DHX37: variants seen among roughly 807,000 people sequenced by gnomAD.
DHX37 encodes the protein probable ATP-dependent RNA helicase DHX37.
DHX37 carries 52 observed loss-of-function variants against 134.3 expected under a neutral mutation model. The observed-to-expected ratio is 0.39, with a 90% confidence interval of 0.31 to 0.49. DHX37 has a LOEUF of 0.49. DHX37 is among the 20% of genes least tolerant of loss of function. DHX37 has a pLI of 0.93. For missense variants in DHX37, 1,344 were observed against 1,580.8 expected (o/e 0.85, Z 2.54); for synonymous variants, 634 against 670.7 (o/e 0.95, Z 0.85).
rs1377745838 is a variant in DHX37 at position 124,975,529 on chromosome 12, T to A, written c.888-18A>T. On this transcript the variant is annotated intron_variant, in intron 5 of 26. Transcript: ENST00000308736. ...TGTCTTCACTGGGGGAGGAAGAACA[T>A]GGCCATCAACAGTGCGCGGCCCCAC... 1.9e-6 allele frequency: 3 copies of A among 1,611,186 alleles called. No individual in the cohort carries two copies. The highest frequency in any genetic ancestry group is 2.2e-5 in the South Asian group (2 of 91,064).
chr12:124,965,678 C>A lies in DHX37; in HGVS notation c.1725G>T (p.Gly575=). ...SDLDLDLGDG[G]QDGGEQPDAS... ...GTGCTCGGGCCACACCTCCATCTTG[C>A]CCGCCATCCCCCAGGTCCAGATCGA... is the stretch of plus-strand genomic sequence containing the variant. The change falls in exon 13 of 27, where the codon GGG becomes GGT. Residue 575 remains glycine (G), a synonymous_variant. Coordinates refer to ENST00000308736, the MANE Select transcript of DHX37 (RefSeq NM_032656.4). The A allele has an allele frequency of 6.2e-7, 1 of 1,607,420 alleles. No homozygotes were observed. The highest frequency in any genetic ancestry group is 1.1e-5 in the South Asian group (1 of 89,488).
In DHX37 at chr12:124,986,245, C is replaced by G; in HGVS notation, c.127G>C (p.Val43Leu). The G allele has an allele frequency of 6.2e-7, 1 of 1,614,010 alleles. No homozygotes were observed. Among genetic ancestry groups the G allele is most frequent in the Non-Finnish European group, 8.5e-7 (1 of 1,180,010 alleles). Reference protein sequence around the residue: ...ELEDKDTLKGVDASNALVLPG... With the variant: ...ELEDKDTLKGLDASNALVLPG... ...AGAACGAGCGCGTTGCTTGCATCAA[C>G]TCCCTTCAACGTGTCCTTGTCTGAG... Residue 43 changes from valine (V) to leucine (L), a missense_variant, in exon 2 of 27, where the codon GTT becomes CTT. Transcript: ENST00000308736.
rs1461682844 is a variant in DHX37 at position 124,947,459 on chromosome 12, G to C, written c.*343C>G. ...CGTGCCTCCTCGGCCTTCTGGCAGG[G>C]CGGGCGGGGAAGGGACTGCAGAGAT... is the stretch of plus-strand genomic sequence containing the variant. On this transcript the variant is annotated 3_prime_UTR_variant, in exon 27 of 27. Coordinates refer to ENST00000308736, the MANE Select transcript of DHX37 (RefSeq NM_032656.4). 4.7e-6 allele frequency: 1 copy of C among 211,970 alleles called. No homozygotes were observed. The highest frequency in any genetic ancestry group is 1.0e-4 in the East Asian group (1 of 9,918). The allele number at this position is 211,970 out of a possible 1,614,324, so 13.1% of individuals were successfully genotyped here.
rs2135930975 is a variant in DHX37, at chr12:124,953,959, G to A, written c.2616C>T (p.Pro872=). The change falls in exon 20 of 27, where the codon CCC becomes CCT. Residue 872 remains proline (P), a synonymous_variant. Transcript: ENST00000308736. Reference sequence around the variant, plus strand: ...GCAGCCCGTTGGCTTCGCAAAACTGGGGTGTGCAGCTGGCATACTCACAGG... The same window carrying A: ...GCAGCCCGTTGGCTTCGCAAAACTGAGGTGTGCAGCTGGCATACTCACAGG... ...VGACEYASCT[P]QFCEANGLRY... The A allele has an allele frequency of 1.9e-6, 3 of 1,613,524 alleles. No individual in the cohort carries two copies. The highest frequency in any genetic ancestry group is 2.5e-6 in the Non-Finnish European group (3 of 1,179,958).
chr12:124,986,894 T>C (rs1162937460), intron 1 of DHX37, among the ~76,000 whole-genome samples: 1 of 150,842 alleles, frequency 6.6e-6, no homozygotes, highest in Non-Finnish European at 1.5e-5. Flanking sequence ...TACAGGCATG[T>C]ACCACCACGC....
At chr12:124,957,215 A>C (rs372652269) in intron 16 of DHX37, 80 bp from the exon 17 acceptor site, 1 of 1,262,916 alleles carries the variant, frequency 7.9e-7, no homozygotes, top group Non-Finnish European at 1.1e-6. Flanking sequence ...TGTGGCAGGC[A>C]CTCCCTCCAA....
chr12:124,964,407 C>T lies in DHX37; in HGVS notation c.2032G>A (p.Gly678Ser), dbSNP rs746007936. The T allele has an allele frequency of 1.1e-5, 17 of 1,613,450 alleles. No individual in the cohort carries two copies. Among genetic ancestry groups the T allele is most frequent in the Non-Finnish European group, 1.4e-5 (17 of 1,179,828 alleles). The change falls in exon 15 of 27, where the codon GGC becomes AGC. Residue 678 changes from glycine (G) to serine (S), a missense_variant. Physicochemically the swap from Gly to Ser is moderately conservative, Grantham distance 56. This residue lies in a region of DHX37 where 39 missense variants were observed against 87.9 expected (regional missense o/e 0.44). Coordinates refer to ENST00000308736, the MANE Select transcript of DHX37 (RefSeq NM_032656.4). ...RAGRAGRTEPGHCYRLYSSAV... is the reference protein window; with the variant it reads ...RAGRAGRTEPSHCYRLYSSAV... ...TGGGTGACCCACCTGTAGCAGTGGC[C>T]GGGCTCCGTCCGTCCTGCTCTGCCC...
At chr12:124,976,698 T>C (rs1340937860) in intron 5 of DHX37, among the ~76,000 whole-genome samples, 4 of 151,352 alleles carry the variant, frequency 2.6e-5, no homozygotes, top group Admixed American at 6.6e-5. Flanking sequence ...GGCGTGGTGG[T>C]GGGCGCCTGT....
chr12:124,962,648 A>C (rs1008745924), intron 15 of DHX37, among the ~76,000 whole-genome samples: 2 of 151,498 alleles, frequency 1.3e-5, no homozygotes, highest in Admixed American at 6.6e-5. Context: ...CAACAGTGAG[A>C]CTCAGTCTCA....
Position 124,976,979 on chromosome 12 carries a change from G to A in DHX37, c.887+363C>T, listed in dbSNP as rs553345450. ...GGAGAATCACTTGAACCCGGGAGGC[G>A]GAGTTGCAGTGAGCCAATATCACAC... On this transcript the variant is annotated intron_variant, in intron 5 of 26. Transcript: ENST00000308736. Among the ~76,000 whole-genome samples the A allele has an allele frequency of 4.6e-4, 69 of 151,594 alleles. 1 individual carries two copies. Among genetic ancestry groups the A allele is most frequent in the African/African-American group, 1.3e-3 (55 of 41,304 alleles).
chr12:124,988,089 G>C lies in DHX37; in HGVS notation c.106+828C>G, dbSNP rs1954909071. Among the ~76,000 whole-genome samples the C allele has an allele frequency of 3.4e-5, 5 of 147,886 alleles. No individual in the cohort carries two copies. In the South Asian group the frequency reaches 1.1e-3, roughly 32 times the overall value. ...GCTCACTGCAACCTCCGTATCCTGGGTTCAAGCCATTCTCCTGCCTCAGCC... is the reference window on the plus strand; with the variant it reads ...GCTCACTGCAACCTCCGTATCCTGGCTTCAAGCCATTCTCCTGCCTCAGCC... On this transcript the variant is annotated intron_variant, in intron 1 of 26. Transcript: ENST00000308736.
intron 3 of DHX37, among the ~76,000 whole-genome samples, chr12:124,981,067 C>T (rs1385063175): frequency 1.3e-5 from 2 of 152,144 alleles, no homozygotes; most frequent in Non-Finnish European, 2.9e-5. Context: ...ACCCTTCTCC[C>T]TCCACCTCGC....
At position 124,977,346 on chromosome 12, in the gene DHX37, T is replaced by C; in HGVS notation, c.883A>G (p.Ser295Gly). The C allele has an allele frequency of 6.4e-7, 1 of 1,559,800 alleles. No homozygotes were observed. Among genetic ancestry groups the C allele is most frequent in the Non-Finnish European group, 8.7e-7 (1 of 1,155,528 alleles). ...VPQFLYEAGF[S>G]SEDSIIGVTE... ...AACCCTGTGTCCAGCCCCTACCTGC[T>C]GAAGCCTGCTTCATAGAGAAACTGA... is the stretch of plus-strand genomic sequence containing the variant. The change falls in exon 5 of 27, where the codon AGC becomes GGC. Residue 295 changes from serine (S) to glycine (G), a missense_variant. Around this residue, in one of 7 missense-constraint regions of DHX37, gnomAD observed 77 missense variants for 121.6 expected, o/e 0.63. Coordinates refer to ENST00000308736, the MANE Select transcript of DHX37 (RefSeq NM_032656.4).
At chr12:124,963,024 C>T (rs557859578) in intron 15 of DHX37, among the ~76,000 whole-genome samples, 1 of 152,164 alleles carries the variant, frequency 6.6e-6, no homozygotes, top group African/African-American at 2.4e-5. Flanking sequence ...GCAATGAAAC[C>T]GGAGCCAGAC....
chr12:124,958,203 C>G (rs1409288465), intron 16 of DHX37, among the ~76,000 whole-genome samples: 1 of 152,228 alleles, frequency 6.6e-6, no homozygotes, highest in Non-Finnish European at 1.5e-5. Context: ...CACACACTTT[C>G]AATGGGTGAC....
At chr12:124,974,663 T>C (rs1954595041) in intron 6 of DHX37, among the ~76,000 whole-genome samples, 1 of 151,832 alleles carries the variant, frequency 6.6e-6, no homozygotes, top group African/African-American at 2.4e-5. Flanking sequence ...CTGGACATGT[T>C]AGACACAGGC....
intron 2 of DHX37, among the ~76,000 whole-genome samples, chr12:124,985,005 G>A (rs1954837341): frequency 6.6e-6 from 1 of 152,118 alleles, no homozygotes; most frequent in African/African-American, 2.4e-5. Flanking sequence ...GAAGAGGGAG[G>A]CAGAGATTGG....
chr12:124,989,093 T>G lies in DHX37; in HGVS notation c.-71A>C. 1 of 1,044,082 alleles carries G rather than the reference T, an allele frequency of 9.6e-7. No homozygotes were observed. Among genetic ancestry groups the G allele is most frequent in the Non-Finnish European group, 1.2e-6 (1 of 802,444 alleles). 64.7% of individuals were successfully genotyped at this position (1,044,082 alleles called of 1,614,324 possible). On this transcript the variant is annotated 5_prime_UTR_variant, in exon 1 of 27. Coordinates refer to ENST00000308736, the MANE Select transcript of DHX37 (RefSeq NM_032656.4). ...CAATCCGAAACCCAGCCCACGTGGG[T>G]TCCCAGACCACCAACTCCGGCCGTG...
In DHX37 at chr12:124,980,812, C is replaced by A. The variant is rs1354022799; in HGVS notation, c.416G>T (p.Gly139Val). The A allele has an allele frequency of 1.3e-6, 2 of 1,556,048 alleles. No homozygotes were observed. The highest frequency in any genetic ancestry group is 1.7e-6 in the Non-Finnish European group (2 of 1,153,278). The part of the protein sequence containing the change: ...KEKADEVVAP[G>V]QEKISSLSGA... ...GCTGAGGCTACTGATCTTCTCCTGG[C>A]CCGGGGCTACCACCTCGTCAGCCTT... The change falls in exon 4 of 27, where the codon GGC becomes GTC. Residue 139 changes from glycine (G) to valine (V), a missense_variant. By Grantham distance (109) the Gly-to-Val change is moderately radical. Around this residue, in one of 7 missense-constraint regions of DHX37, gnomAD observed 319 missense variants for 296.1 expected, o/e 1.08. Coordinates refer to ENST00000308736, the MANE Select transcript of DHX37 (RefSeq NM_032656.4). This position sits in a 1 kb window ranked among gnomAD's most constrained non-coding sequence, Gnocchi z 5.3.
Sources: allele counts gnomAD v4.1 joint callset (sites outside exome capture counted in the v4.1 genomes callset), GRCh38; gene constraint gnomAD v4.1.1; regional missense constraint gnomAD v4.1.1; non-coding constraint Gnocchi (gnomAD v3.1); transcripts MANE v1.5; gene names NCBI Gene and HGNC (gene_info 2026-07-23, HGNC 2026-07-21).